NFIA: variants seen among roughly 807,000 people sequenced by gnomAD.
NFIA encodes the protein nuclear factor I A.
In NFIA, 8 loss-of-function variants were observed where a neutral mutation model predicts 62.8. The ratio of observed to expected loss-of-function variants is 0.13; its 90% CI spans 0.07 to 0.23. The LOEUF is 0.23. NFIA is among the 10% of genes least tolerant of loss of function. The pLI is 1.00. For synonymous variants in NFIA, 235 were observed against 238.1 expected, an observed-to-expected ratio of 0.99 and a Z score of 0.12; for missense variants, 410 against 642.1, an observed-to-expected ratio of 0.64 and a Z score of 3.91.
At chr1:61,355,986 A>G (rs1211418887) in intron 5 of NFIA, among the ~76,000 whole-genome samples, 2 of 152,216 alleles carry the variant, frequency 1.3e-5, no homozygotes, top group Non-Finnish European at 2.9e-5. Context: ...GGCTTGGGGT[A>G]TTTGCATTTT....
intron 4 of NFIA, among the ~76,000 whole-genome samples, chr1:61,341,082 G>C (rs1243714362): frequency 2.5e-5 from 1 of 39,974 alleles, no homozygotes; most frequent in African/African-American, 1.1e-4. Flanking sequence ...TTTTTTTTTT[G>C]AGATGGAGTC....
At chr1:61,401,902 A>G (rs1255751033) in intron 7 of NFIA, among the ~76,000 whole-genome samples, 1 of 152,194 alleles carries the variant, frequency 6.6e-6, no homozygotes, top group Non-Finnish European at 1.5e-5. Context: ...TTGAAAGCCA[A>G]TGGCATAATT....
intron 2 of NFIA, among the ~76,000 whole-genome samples, chr1:61,108,998 C>G (rs530992074): frequency 6.6e-6 from 1 of 151,920 alleles, no homozygotes; most frequent in South Asian, 2.1e-4. Flanking sequence ...ATATTTCATA[C>G]TGATGAGATT....
chr1:61,162,656 G>GGAA (rs749986215), intron 2 of NFIA, among the ~76,000 whole-genome samples: 1 of 152,094 alleles, frequency 6.6e-6, no homozygotes, highest in Non-Finnish European at 1.5e-5. Flanking sequence ...TCTGTCCCAT[G>GGAA]GAAAACAGTA....
chr1:61,388,591 C>G (rs1409865749), intron 7 of NFIA, among the ~76,000 whole-genome samples: 1 of 152,154 alleles, frequency 6.6e-6, no homozygotes, highest in African/African-American at 2.4e-5. Context: ...TATTTAAATA[C>G]TCTGCACTAA....
chr1:61,081,923 T>C, upstream of NFIA: 1 of 1,549,628 alleles, frequency 6.5e-7, no homozygotes, highest in Non-Finnish European at 8.7e-7. Flanking sequence ...GAGGTCTGAT[T>C]TTTCAAAGAA....
intron 2 of NFIA, among the ~76,000 whole-genome samples, chr1:61,151,311 G>C (rs1648382401): frequency 6.6e-6 from 1 of 151,970 alleles, no homozygotes. Flanking sequence ...CCAGGTTCAA[G>C]TGATTTTCAT....
At chr1:61,152,180 G>A (rs1253925932) in intron 2 of NFIA, among the ~76,000 whole-genome samples, 2 of 152,122 alleles carry the variant, frequency 1.3e-5, no homozygotes, top group Non-Finnish European at 2.9e-5. Flanking sequence ...AGCTATTAGT[G>A]CCTAATCATA....
At chr1:61,334,926 G>A (rs1445465425) in intron 4 of NFIA, among the ~76,000 whole-genome samples, 1 of 152,008 alleles carries the variant, frequency 6.6e-6, no homozygotes, top group Non-Finnish European at 1.5e-5. Context: ...TTCCAAGTTT[G>A]AGTAGAACTC....
intron 2 of NFIA, among the ~76,000 whole-genome samples, chr1:61,272,792 G>GT (rs1557675244): frequency 6.6e-6 from 1 of 152,016 alleles, no homozygotes; most frequent in African/African-American, 2.4e-5. Flanking sequence ...TTGCCTTTTA[G>GT]TTTTTATACT....
chr1:61,232,651 C>T (rs1477385899), intron 2 of NFIA, among the ~76,000 whole-genome samples: 1 of 152,096 alleles, frequency 6.6e-6, no homozygotes, highest in Non-Finnish European at 1.5e-5. Flanking sequence ...TTAATTGTGG[C>T]AAAAATTAAT....
Position 61,223,870 on chromosome 1 carries a change from A to G in NFIA, c.560-53650A>G, listed in dbSNP as rs74090329. On this transcript the variant is annotated intron_variant, in intron 2 of 10. Transcript: ENST00000403491. Reference sequence around the variant, plus strand: ...TATCAACTAAAACTTCATCTCAGAAACCTTCTAGAAAAATTAAATTTTGTT... The same window carrying G: ...TATCAACTAAAACTTCATCTCAGAAGCCTTCTAGAAAAATTAAATTTTGTT... Among the ~76,000 whole-genome samples the G allele has an allele frequency of 6.7e-3, 1,018 of 152,238 alleles. 7 individuals carry two copies. The highest frequency in any genetic ancestry group is 0.023 in the African/African-American group (937 of 41,568).
intron 2 of NFIA, among the ~76,000 whole-genome samples, chr1:61,127,645 G>T (rs1467949702): frequency 1.3e-5 from 2 of 152,064 alleles, no homozygotes; most frequent in Non-Finnish European, 2.9e-5. Context: ...CTAAATTAAA[G>T]TATTAAAGTA....
intron 3 of NFIA, among the ~76,000 whole-genome samples, chr1:61,323,963 G>A (rs577196086): frequency 1.3e-5 from 2 of 152,278 alleles, no homozygotes; most frequent in East Asian, 1.9e-4. Flanking sequence ...GTCCAGTCAG[G>A]TAGAAAGAGG....
intron 3 of NFIA, among the ~76,000 whole-genome samples, chr1:61,326,028 C>T (rs963081340): frequency 9.9e-5 from 15 of 151,292 alleles, no homozygotes; most frequent in African/African-American, 3.6e-4. Context: ...CTAAATTGCA[C>T]ACATTCCACT....
At chr1:61,419,860 C>A (rs1366020476) in intron 9 of NFIA, among the ~76,000 whole-genome samples, 1 of 152,144 alleles carries the variant, frequency 6.6e-6, no homozygotes, top group African/African-American at 2.4e-5. Flanking sequence ...TAATTACTAG[C>A]GATAAGGAGG....
intron 2 of NFIA, among the ~76,000 whole-genome samples, chr1:61,122,020 A>G (rs1646895602): frequency 6.6e-6 from 1 of 152,214 alleles, no homozygotes; most frequent in African/African-American, 2.4e-5. Flanking sequence ...TGTTATAGTT[A>G]TAAGGGACCA....
chr1:61,435,383 C>A (rs1667280179), intron 10 of NFIA, among the ~76,000 whole-genome samples: 2 of 152,174 alleles, frequency 1.3e-5, no homozygotes, highest in Admixed American at 1.3e-4. Flanking sequence ...AACAAGAAAT[C>A]TGTGAGTGAG....
chr1:61,425,500 A>G (rs1382525438), intron 9 of NFIA, among the ~76,000 whole-genome samples: 1 of 152,304 alleles, frequency 6.6e-6, no homozygotes, highest in African/African-American at 2.4e-5. Context: ...GGCCTTTTTA[A>G]TTATTGTTAA....
Sources: gnomAD v4.1 joint callset for allele counts (sites outside exome capture counted in the v4.1 genomes callset) on GRCh38, gnomAD v4.1.1 for gene constraint, MANE v1.5 for transcripts, NCBI Gene and HGNC (gene_info 2026-07-23, HGNC 2026-07-21) for gene names.